PTPRO: variants seen among roughly 807,000 people sequenced by gnomAD.
PTPRO encodes protein tyrosine phosphatase receptor type O.
In PTPRO, 62 loss-of-function variants were observed where a neutral mutation model predicts 145.2. The ratio of observed to expected loss-of-function variants is 0.43; its 90% confidence interval spans 0.35 to 0.53. The LOEUF (loss-of-function observed/expected upper bound fraction) is 0.53. PTPRO is among the 20% of genes least tolerant of loss of function. The pLI, the probability that PTPRO is intolerant of heterozygous loss-of-function variation, is 0.01. For missense variants in PTPRO, 1,345 were observed against 1,482.7 expected, an observed-to-expected ratio of 0.91 and a Z score of 1.53; for synonymous variants, 565 against 514.7, an observed-to-expected ratio of 1.10 and a Z score of -1.32.
chr12:15,520,898 T>C lies in PTPRO; in HGVS notation c.1891+586T>C, dbSNP rs148347291. 7.4e-3 allele frequency among the ~76,000 whole-genome samples: 1,125 copies of C among 152,318 alleles called. 60 individuals are homozygous for C. Among genetic ancestry groups the C allele is most frequent in the Admixed American group, 0.067 (1,018 of 15,292 alleles). On this transcript the variant is annotated intron_variant, in intron 10 of 26. Transcript: ENST00000281171. ...GTATCAGTTATCTGTTATTATTTATTACAACTTCATTATTATATAAGCTAC... is the reference window on the plus strand; with the variant it reads ...GTATCAGTTATCTGTTATTATTTATCACAACTTCATTATTATATAAGCTAC...
chr12:15,546,333 A>G, intron 12 of PTPRO: 1 of 1,355,004 alleles, frequency 7.4e-7, no homozygotes, highest in Non-Finnish European at 9.5e-7. Flanking sequence ...AGTAGAAAAC[A>G]GAAGTGTTCT....
chr12:15,452,899 T>G (rs926223191), intron 1 of PTPRO, among the ~76,000 whole-genome samples: 2 of 152,168 alleles, frequency 1.3e-5, no homozygotes, highest in African/African-American at 2.4e-5. Context: ...ATAGATTGTT[T>G]CCATTTGGAA....
chr12:15,373,448 T>C (rs1003543399), intron 1 of PTPRO, among the ~76,000 whole-genome samples: 2 of 152,188 alleles, frequency 1.3e-5, no homozygotes, highest in Admixed American at 6.5e-5. Context: ...GAGAGATTTC[T>C]TAAGTTTTCA....
intron 1 of PTPRO, among the ~76,000 whole-genome samples, chr12:15,459,203 T>A (rs1941247395): frequency 6.6e-6 from 1 of 152,178 alleles, no homozygotes; most frequent in Admixed American, 6.5e-5. Flanking sequence ...AGGAAGTAGA[T>A]GAGATCTGTC....
At chr12:15,332,093 G>A (rs529176520) in intron 1 of PTPRO, among the ~76,000 whole-genome samples, 1 of 151,066 alleles carries the variant, frequency 6.6e-6, no homozygotes, top group South Asian at 2.1e-4. Flanking sequence ...AGCCTCCCAA[G>A]TGGCTGCGAT....
intron 1 of PTPRO, among the ~76,000 whole-genome samples, chr12:15,454,855 G>A (rs906916148): frequency 2.0e-5 from 3 of 152,156 alleles, no homozygotes; most frequent in African/African-American, 7.2e-5. Context: ...CCCATTGTGT[G>A]TAGTCTTGGC....
chr12:15,355,413 C>T lies in PTPRO; in HGVS notation c.75+32612C>T, dbSNP rs571378328. Reference sequence around the variant, plus strand: ...CAGGTGCCTTGGCTGCAAATTTTCCCTCTCTACACTGAAAAACCCAGTTTT... The same window carrying T: ...CAGGTGCCTTGGCTGCAAATTTTCCTTCTCTACACTGAAAAACCCAGTTTT... On this transcript the variant is annotated intron_variant, in intron 1 of 26. Transcript: ENST00000281171. 4.9e-4 allele frequency among the ~76,000 whole-genome samples: 75 copies of T among 152,236 alleles called. No individual in the cohort carries two copies. In the South Asian group the frequency reaches 5.0e-3, roughly 10 times the overall value.
chr12:15,475,496 T>C (rs1941633805), intron 1 of PTPRO, among the ~76,000 whole-genome samples: 1 of 152,190 alleles, frequency 6.6e-6, no homozygotes, highest in African/African-American at 2.4e-5. Context: ...TGATTTCTAT[T>C]TATATTTGTG....
chr12:15,565,371 G>A (rs931526465), intron 17 of PTPRO: 1 of 422,016 alleles, frequency 2.4e-6, no homozygotes, highest in Non-Finnish European at 4.3e-6. Flanking sequence ...GAAGTATAAA[G>A]TGCAGATATG....
chr12:15,497,110 G>T, intron 2 of PTPRO, 135 bp from the exon 3 acceptor site: 1 of 754,736 alleles, frequency 1.3e-6, no homozygotes, highest in Non-Finnish European at 2.3e-6. Context: ...GGTTACTGAG[G>T]AGTTTAGTGC....
chr12:15,505,804 T>A (rs1942309625), intron 6 of PTPRO, among the ~76,000 whole-genome samples: 1 of 152,248 alleles, frequency 6.6e-6, no homozygotes, highest in Non-Finnish European at 1.5e-5. Flanking sequence ...TTTCACATAT[T>A]CTGGTGTTGA....
At chr12:15,578,816 G>C in intron 19 of PTPRO, 37 bp from the exon 20 acceptor site, 3 of 1,451,456 alleles carry the variant, frequency 2.1e-6, no homozygotes, top group Non-Finnish European at 2.9e-6. Context: ...TTCACACCAC[G>C]TATGGAACTC....
intron 1 of PTPRO, among the ~76,000 whole-genome samples, chr12:15,471,681 C>G (rs1288036027): frequency 2.6e-5 from 4 of 152,144 alleles, no homozygotes; most frequent in Non-Finnish European, 4.4e-5. Context: ...GCTCCTAACT[C>G]CTGTCTTCCT....
intron 1 of PTPRO, among the ~76,000 whole-genome samples, chr12:15,450,350 T>A (rs1941013339): frequency 6.6e-6 from 1 of 152,238 alleles, no homozygotes; most frequent in African/African-American, 2.4e-5. Context: ...TCTATTCAGA[T>A]CCTCTCCACT....
chr12:15,520,358 G>C (rs914981316), intron 10 of PTPRO, 46 bp downstream of exon 10: 2 of 1,426,700 alleles, frequency 1.4e-6, no homozygotes, highest in African/African-American at 2.8e-5. Flanking sequence ...GAGCATTATT[G>C]TGAGGAGTTA....
chr12:15,538,235 G>T (rs888099443), intron 12 of PTPRO, among the ~76,000 whole-genome samples: 7 of 77,134 alleles, frequency 9.1e-5, no homozygotes, highest in Admixed American at 4.7e-4. Context: ...CCACTTTAGT[G>T]CTTCTTTTTT....
intron 7 of PTPRO, among the ~76,000 whole-genome samples, chr12:15,514,968 T>C (rs1359597484): frequency 6.6e-6 from 1 of 152,010 alleles, no homozygotes; most frequent in Non-Finnish European, 1.5e-5. Flanking sequence ...TTTCACTATG[T>C]TCGTCAGGCT....
At chr12:15,371,155 G>A (rs1938515484) in intron 1 of PTPRO, among the ~76,000 whole-genome samples, 1 of 151,730 alleles carries the variant, frequency 6.6e-6, no homozygotes, top group Non-Finnish European at 1.5e-5. Flanking sequence ...TAGAAAAGAT[G>A]ATATCTTGTA....
Position 15,377,699 on chromosome 12 carries a change from T to G in PTPRO, c.75+54898T>G, listed in dbSNP as rs1019612747. On this transcript the variant is annotated intron_variant, in intron 1 of 26. Transcript: ENST00000281171. Reference sequence around the variant, plus strand: ...AATGACAGCAGAATACACATTTTTCTCAGGTAGACACAGACTATTTTACAA... The same window carrying G: ...AATGACAGCAGAATACACATTTTTCGCAGGTAGACACAGACTATTTTACAA... Among the ~76,000 whole-genome samples, 3 of 152,170 alleles carry G rather than the reference T, an allele frequency of 2.0e-5. No homozygotes were observed. In the South Asian group the frequency reaches 6.2e-4, roughly 32 times the overall value.
Sources: gnomAD v4.1 joint callset for allele counts (sites outside exome capture counted in the v4.1 genomes callset) on GRCh38, gnomAD v4.1.1 for gene constraint, MANE v1.5 for transcripts, NCBI Gene and HGNC (gene_info 2026-07-23, HGNC 2026-07-21) for gene names.